The following LMO7 variants were observed in gnomAD, a reference collection of about 807,000 sequenced individuals.
The protein encoded by LMO7 is LIM domain 7.
In LMO7, 120 loss-of-function variants were observed where a neutral mutation model predicts 206.5. The observed-to-expected ratio is 0.58, with a 90% CI of 0.50 to 0.68. The LOEUF is 0.68. Among genes scored for constraint, LMO7 ranks in the 30% least tolerant of loss-of-function variants. The probability of loss-of-function intolerance (pLI) is 0.00; values close to 1 mark genes in which losing one functional copy is unlikely to be tolerated. For missense variants in LMO7, 1,959 were observed against 1,957.9 expected, an observed-to-expected ratio of 1.00 and a Z score of -0.01; for synonymous variants, 706 against 681.5, an observed-to-expected ratio of 1.04 and a Z score of -0.56.
upstream of LMO7, among the ~76,000 whole-genome samples, chr13:75,633,203 C>A (rs1259071621): frequency 6.6e-6 from 1 of 152,112 alleles, no homozygotes; most frequent in Non-Finnish European, 1.5e-5. Flanking sequence ...AGAGAAATAT[C>A]TTTCCATTTT....
At chr13:75,693,324 T>G (rs1399200319) in intron 1 of LMO7, among the ~76,000 whole-genome samples, 1 of 152,212 alleles carries the variant, frequency 6.6e-6, no homozygotes, top group Non-Finnish European at 1.5e-5. Context: ...AGTCTTTTTG[T>G]GTAGCACTGA....
At chr13:75,720,876 G>T (rs2043965978) in intron 2 of LMO7, among the ~76,000 whole-genome samples, 1 of 152,002 alleles carries the variant, frequency 6.6e-6, no homozygotes, top group Non-Finnish European at 1.5e-5. Flanking sequence ...AATTTTACTA[G>T]CAATCTTTGA....
Position 75,853,191 on chromosome 13 carries a change from G to T in LMO7, c.4464G>T (p.Val1488=). The part of the protein sequence containing the change: ...QPTGFYASSS[V]QDFSRPPPQL... The stretch of plus-strand genomic sequence containing the variant: ...CAGGATTCTATGCTTCTTCCTCTGT[G>T]CAAGACTTTAGTCGCCCACCACCTC... The change falls in exon 28 of 31, where the codon GTG becomes GTT. Residue 1488 remains valine (V), a synonymous_variant. Coordinates refer to ENST00000377534, the MANE Select transcript of LMO7 (RefSeq NM_001306080.2). 1.2e-6 allele frequency: 2 copies of T among 1,614,066 alleles called. No individual in the cohort carries two copies. The highest frequency in any genetic ancestry group is 2.2e-5 in the South Asian group (2 of 91,070).
chr13:75,669,027 G>A (rs1463576653), intron 1 of LMO7, among the ~76,000 whole-genome samples: 7 of 152,140 alleles, frequency 4.6e-5, no homozygotes, highest in Admixed American at 2.0e-4. Flanking sequence ...TTGACTGAGA[G>A]GATTGGCCTG....
intron 1 of LMO7, among the ~76,000 whole-genome samples, chr13:75,697,906 G>T (rs1223357834): frequency 6.6e-6 from 1 of 152,164 alleles, no homozygotes; most frequent in Non-Finnish European, 1.5e-5. Flanking sequence ...AGGAAAAACT[G>T]TTTCTGCAAG....
chr13:75,742,852 C>T (rs1386050786), intron 3 of LMO7, among the ~76,000 whole-genome samples: 1 of 152,090 alleles, frequency 6.6e-6, no homozygotes, highest in Non-Finnish European at 1.5e-5. Context: ...GCAATTGCAA[C>T]AAAAGCAAAA....
rs772309540 is a variant in LMO7 at position 75,841,619 on chromosome 13, G to A, written c.3676-9G>A. The A allele has an allele frequency of 3.9e-6, 6 of 1,552,504 alleles. No homozygotes were observed. Among genetic ancestry groups the A allele is most frequent in the African/African-American group, 1.4e-5 (1 of 71,946 alleles). On this transcript the variant is annotated splice_polypyrimidine_tract_variant and intron_variant, in intron 23 of 30. Coordinates refer to ENST00000377534, the MANE Select transcript of LMO7 (RefSeq NM_001306080.2). ...TTTAGATGGATTTCTTTTTTCACTG[G>A]TCACCTAGGAACTGATGGTCCTAAG...
chr13:75,751,483 T>C (rs1013618098), intron 3 of LMO7, among the ~76,000 whole-genome samples: 2 of 152,036 alleles, frequency 1.3e-5, no homozygotes, highest in Non-Finnish European at 2.9e-5. Context: ...ATTGAAAACT[T>C]GTTTAAAGTA....
chr13:75,775,023 G>A (rs1290370807), intron 4 of LMO7, among the ~76,000 whole-genome samples: 2 of 152,100 alleles, frequency 1.3e-5, no homozygotes, highest in African/African-American at 4.8e-5. Context: ...TGTCAGGAAG[G>A]TTCTTTTGGG....
intron 4 of LMO7, among the ~76,000 whole-genome samples, chr13:75,789,673 C>T (rs1219412846): frequency 6.6e-6 from 1 of 152,142 alleles, no homozygotes; most frequent in Non-Finnish European, 1.5e-5. Context: ...CACACGCAGA[C>T]TCCTTAGAGC....
chr13:75,848,421 T>C (rs938984991), intron 26 of LMO7, among the ~76,000 whole-genome samples: 5 of 108,480 alleles, frequency 4.6e-5, no homozygotes, highest in African/African-American at 1.3e-4. Flanking sequence ...CTGAGTAGTA[T>C]TCCATGCGAT....
chr13:75,667,787 T>G (rs1323821838), intron 1 of LMO7, among the ~76,000 whole-genome samples: 1 of 152,242 alleles, frequency 6.6e-6, no homozygotes, highest in African/African-American at 2.4e-5. Flanking sequence ...TCCTGGGAAG[T>G]GGCCACTTTC....
chr13:75,795,274 G>T, intron 4 of LMO7, 127 bp from the exon 5 acceptor site: 4 of 646,950 alleles, frequency 6.2e-6, no homozygotes, highest in Non-Finnish European at 1.1e-5. Context: ...TGAGCTCTAA[G>T]AGATTTGGAC....
intron 1 of LMO7, among the ~76,000 whole-genome samples, chr13:75,672,678 T>C (rs1194809156): frequency 6.6e-6 from 1 of 152,226 alleles, no homozygotes; most frequent in Non-Finnish European, 1.5e-5. Context: ...TTTGCCACTC[T>C]AGATGCTTGG....
chr13:75,733,597 G>A (rs1007046039), intron 3 of LMO7, among the ~76,000 whole-genome samples: 44 of 152,132 alleles, frequency 2.9e-4, no homozygotes, highest in African/African-American at 8.7e-4. Flanking sequence ...GCAATGCCTC[G>A]CCCTGCTTTG....
rs1448115886 is a variant in LMO7, at chr13:75,636,387, C to G, written c.-271C>G. The stretch of plus-strand genomic sequence containing the variant: ...CGCTGGGCACCCGCTTCGCTTCCCG[C>G]GTCCTGCCTGACTGCCCGGGTCCCC... On this transcript the variant is annotated 5_prime_UTR_variant, in exon 1 of 31. Transcript: ENST00000377534. 5.4e-6 allele frequency: 7 copies of G among 1,295,176 alleles called. No homozygotes were observed. Among genetic ancestry groups the G allele is most frequent in the South Asian group, 4.9e-5 (3 of 60,758 alleles). The allele number at this position is 1,295,176 out of a possible 1,614,324, so 80.2% of individuals were successfully genotyped here. A position where few individuals can be genotyped will look rare whatever the true frequency, so the allele number is the denominator to read the frequency against.
At chr13:75,738,509 A>C (rs2139097539) in intron 3 of LMO7, among the ~76,000 whole-genome samples, 1 of 152,148 alleles carries the variant, frequency 6.6e-6, no homozygotes, top group Non-Finnish European at 1.5e-5. Context: ...TCTTATAGAG[A>C]TAGGGCTTTT....
intron 4 of LMO7, among the ~76,000 whole-genome samples, chr13:75,763,702 G>A (rs1482801545): frequency 6.6e-6 from 1 of 152,112 alleles, no homozygotes; most frequent in East Asian, 1.9e-4. Flanking sequence ...TAATCATGAC[G>A]CATACTGAGA....
Position 75,621,799 on chromosome 13 carries a change from C to CT in LMO7, c.107dup (p.Ile37AspfsTer29), listed in dbSNP as rs2033328739. Reference sequence around the variant, plus strand: ...CGGAGCTCTGGAAATTTGGAGGCAACTGATATGTGCTCATGTCTGCATCTG... The same window carrying CT: ...CGGAGCTCTGGAAATTTGGAGGCAACTTGATATGTGCTCATGTCTGCATCTG... On this transcript the variant is annotated frameshift_variant, in exon 1 of 30. Transcript: ENST00000341547. LOFTEE classifies it high-confidence loss of function. The CT allele has an allele frequency of 6.2e-7, 1 of 1,613,054 alleles. No individual in the cohort carries two copies. Among genetic ancestry groups the CT allele is most frequent in the Non-Finnish European group, 8.5e-7 (1 of 1,179,508 alleles).
Sources: allele counts gnomAD v4.1 joint callset (sites outside exome capture counted in the v4.1 genomes callset), GRCh38; gene constraint gnomAD v4.1.1; transcripts MANE v1.5; gene names NCBI Gene and HGNC (gene_info 2026-07-23, HGNC 2026-07-21).